Variants in ADAMTS17 observed in about 807,000 individuals in gnomAD.
ADAMTS17 encodes A disintegrin and metalloproteinase with thrombospondin motifs 17.
ADAMTS17 carries 113 observed loss-of-function variants against 141.5 expected under a neutral mutation model. The ratio of observed to expected loss-of-function variants is 0.80; its 90% confidence interval spans 0.69 to 0.93. The LOEUF (loss-of-function observed/expected upper bound fraction) is 0.93, where lower values mean the gene tolerates loss of function less well. ADAMTS17 is among the 40% of genes least tolerant of loss of function. The pLI is 0.00. For missense variants in ADAMTS17, 1,659 were observed against 1,517.9 expected (o/e 1.09, Z -1.54); for synonymous variants, 768 against 630.6 (o/e 1.22, Z -3.27).
At chr15:100,205,203 C>G (rs560547162) in intron 7 of ADAMTS17, among the ~76,000 whole-genome samples, 1 of 152,218 alleles carries the variant, frequency 6.6e-6, no homozygotes, top group Admixed American at 6.5e-5. Flanking sequence ...ACACGAGTCC[C>G]CACAGATGAC....
intron 6 of ADAMTS17, among the ~76,000 whole-genome samples, chr15:100,256,072 GC>G (rs1596374272): frequency 6.6e-6 from 1 of 152,234 alleles, no homozygotes; most frequent in Admixed American, 6.5e-5. Flanking sequence ...GCCTGCAGGG[GC>G]TGCTTTATCT....
At chr15:100,321,390 C>A (rs2045729783) in intron 3 of ADAMTS17, among the ~76,000 whole-genome samples, 1 of 151,964 alleles carries the variant, frequency 6.6e-6, no homozygotes, top group Non-Finnish European at 1.5e-5. Flanking sequence ...CTAACTCTGC[C>A]AATGAAAAAA....
intron 15 of ADAMTS17, among the ~76,000 whole-genome samples, chr15:100,084,731 A>G (rs1381036801): frequency 6.6e-6 from 1 of 152,326 alleles, no homozygotes; most frequent in African/African-American, 2.4e-5. Context: ...CCAGGCAAAC[A>G]GGGTCTGCAG....
intron 3 of ADAMTS17, among the ~76,000 whole-genome samples, chr15:100,310,272 C>T (rs148779312): frequency 1.1e-4 from 17 of 152,324 alleles, no homozygotes; most frequent in Admixed American, 5.2e-4. Flanking sequence ...TGCCCGCTGT[C>T]GACCATCAGC....
intron 13 of ADAMTS17, among the ~76,000 whole-genome samples, chr15:100,115,160 G>A (rs1217958774): frequency 6.6e-6 from 1 of 152,194 alleles, no homozygotes; most frequent in Non-Finnish European, 1.5e-5. Context: ...TGCTTCTCAT[G>A]AGAACCAAAT....
intron 5 of ADAMTS17, 87 bp downstream of exon 5, chr15:100,262,265 G>A (rs939784720): frequency 3.2e-6 from 4 of 1,237,550 alleles, no homozygotes; most frequent in African/African-American, 3.0e-5. Flanking sequence ...CAACTCCCTG[G>A]AGCCCCGCTT....
chr15:100,210,247 A>G (rs964978354), intron 7 of ADAMTS17, among the ~76,000 whole-genome samples: 1 of 151,096 alleles, frequency 6.6e-6, no homozygotes, highest in African/African-American at 2.4e-5. Context: ...AAAAAAAAAA[A>G]AAAAAAAAAA....
intron 10 of ADAMTS17, among the ~76,000 whole-genome samples, chr15:100,142,294 G>C (rs1238524428): frequency 2.6e-5 from 4 of 152,156 alleles, no homozygotes; most frequent in Non-Finnish European, 4.4e-5. Context: ...CGTGAGAAAG[G>C]AGAAAAGCCT....
At chr15:100,319,546 T>C (rs79826524) in intron 3 of ADAMTS17, among the ~76,000 whole-genome samples, 14,380 of 151,988 alleles carry the variant, frequency 0.095, 1,131 homozygotes, top group East Asian at 0.25. Context: ...CCGTCTCTAC[T>C]AAAAATACAA....
At chr15:100,138,190 G>A (rs1244484975) in intron 10 of ADAMTS17, among the ~76,000 whole-genome samples, 4 of 152,096 alleles carry the variant, frequency 2.6e-5, no homozygotes, top group Non-Finnish European at 5.9e-5. Flanking sequence ...CAGAAAAAGG[G>A]GTTCTGGTTG....
rs538106003 is a variant in ADAMTS17 at position 100,171,688 on chromosome 15, C to T, written c.1182-16368G>A. Reference sequence around the variant, plus strand: ...GTGGCCTTTCAAGGTCTTTGGAGAACCCCCAAAAGCAGGACTGGTCATGTT... The same window carrying T: ...GTGGCCTTTCAAGGTCTTTGGAGAATCCCCAAAAGCAGGACTGGTCATGTT... On this transcript the variant is annotated intron_variant, in intron 8 of 21. Transcript: ENST00000268070. Among the ~76,000 whole-genome samples the T allele has an allele frequency of 2.6e-5, 4 of 152,272 alleles. No homozygotes were observed. The East Asian group carries it at 5.8e-4, about 22-fold the overall frequency.
Position 100,265,747 on chromosome 15 carries a change from ACTG to A in ADAMTS17, c.790-3315_790-3313del, listed in dbSNP as rs537405208. 3.3e-5 allele frequency among the ~76,000 whole-genome samples: 5 copies of A among 152,290 alleles called. No individual in the cohort carries two copies. The South Asian group carries it at 8.3e-4, about 25-fold the overall frequency. ...TGGGTGACACTCTCAGGTTGCATAC[ACTG>A]CTATTAAGACCCCCAAACAGGAGAA... On this transcript the variant is annotated intron_variant, in intron 4 of 21. Transcript: ENST00000268070.
chr15:100,047,114 GT>G, intron 18 of ADAMTS17, among the ~76,000 whole-genome samples: 1 of 151,918 alleles, frequency 6.6e-6, no homozygotes, highest in East Asian at 1.9e-4. Context: ...GGTTGAGACA[GT>G]AGGCATGAAA....
intron 7 of ADAMTS17, among the ~76,000 whole-genome samples, chr15:100,253,299 A>AGACATAACTG (rs1191121065): frequency 6.9e-6 from 1 of 145,196 alleles, no homozygotes; most frequent in Non-Finnish European, 1.5e-5. Context: ...AGAGCAAACC[A>AGACATAACTG]GACATAACTG....
intron 12 of ADAMTS17, among the ~76,000 whole-genome samples, chr15:100,123,896 C>T (rs987746812): frequency 2.0e-5 from 3 of 152,148 alleles, no homozygotes; most frequent in Non-Finnish European, 4.4e-5. Flanking sequence ...ACTCACTGAC[C>T]AGTCATCGGG....
chr15:100,076,924 AT>A (rs937335556), intron 15 of ADAMTS17, among the ~76,000 whole-genome samples: 3 of 152,010 alleles, frequency 2.0e-5, no homozygotes. Context: ...GTATAGCTCT[AT>A]TTTTTTGCTT....
intron 15 of ADAMTS17, among the ~76,000 whole-genome samples, chr15:100,091,918 G>T (rs975562539): frequency 1.3e-4 from 20 of 152,242 alleles, no homozygotes; most frequent in African/African-American, 4.8e-4. Flanking sequence ...GGGTCTAATG[G>T]AAAAGAACTC....
intron 18 of ADAMTS17, among the ~76,000 whole-genome samples, chr15:100,018,884 C>T (rs1016901289): frequency 1.3e-5 from 2 of 152,198 alleles, no homozygotes; most frequent in African/African-American, 4.8e-5. Context: ...GAGAAATGTT[C>T]TCACACGGTA....
At chr15:100,099,758 G>A (rs2035982737) in intron 14 of ADAMTS17, among the ~76,000 whole-genome samples, 1 of 113,146 alleles carries the variant, frequency 8.8e-6, no homozygotes, top group Non-Finnish European at 1.9e-5. Context: ...GATGGTATGA[G>A]ATGGGATGGA....
Sources: allele counts gnomAD v4.1 joint callset (sites outside exome capture counted in the v4.1 genomes callset), GRCh38; gene constraint gnomAD v4.1.1; transcripts MANE v1.5; gene names NCBI Gene and HGNC (gene_info 2026-07-23, HGNC 2026-07-21).